The following CARS2 variants were observed in gnomAD, a reference collection of about 807,000 sequenced individuals.
The protein encoded by CARS2 is cysteinyl-tRNA synthetase 2, mitochondrial.
In CARS2, 52 loss-of-function variants were observed where a neutral mutation model predicts 68.8. The observed-to-expected ratio is 0.76, with a 90% CI of 0.61 to 0.95. CARS2 has a LOEUF of 0.95. CARS2 is among the 40% of genes least tolerant of loss of function. The pLI, the probability that CARS2 is intolerant of heterozygous loss-of-function variation, is 0.00. For synonymous variants in CARS2, 314 were observed against 303.6 expected (o/e 1.03, Z -0.36); for missense variants, 780 against 754.2 (o/e 1.03, Z -0.40).
Position 110,705,899 on chromosome 13 carries a change from T to TAGGG in CARS2, c.191_194dup (p.Ile66ProfsTer13), listed in dbSNP as rs1566366159. The TAGGG allele has an allele frequency of 6.4e-7, 1 of 1,573,636 alleles. No individual in the cohort carries two copies. The highest frequency in any genetic ancestry group is 1.4e-5 in the African/African-American group (1 of 73,812). On this transcript the variant is annotated frameshift_variant, in exon 1 of 15. Coordinates refer to ENST00000257347, the MANE Select transcript of CARS2 (RefSeq NM_024537.4). LOFTEE classifies it high-confidence loss of function. The surrounding 1 kb of genome is among the most constrained non-coding windows in gnomAD (Gnocchi z 4.0). ...AGGCGGCTTCGGCGTGCGCCACGATTAGGGGTTCCTTCCTCCCGGTGAGGC... is the reference window on the plus strand; with the variant it reads ...AGGCGGCTTCGGCGTGCGCCACGATTAGGGAGGGGTTCCTTCCTCCCGGTGAGGC...
rs115418195 is a variant in CARS2, at chr13:110,697,888, C to T, written c.393+3550G>A. On this transcript the variant is annotated intron_variant, in intron 3 of 14. Coordinates refer to ENST00000257347, the MANE Select transcript of CARS2 (RefSeq NM_024537.4). ...GGAGACTACCCAGTTATGAGAAAGA[C>T]AAATCAATAGAAAATAGGAAGACAG... 732 of 449,058 alleles carry T rather than the reference C, an allele frequency of 1.6e-3. 8 individuals carry two copies. The highest frequency in any genetic ancestry group is 0.013 in the African/African-American group (667 of 49,610). The allele number at this position is 449,058 out of a possible 1,614,324, so 27.8% of individuals were successfully genotyped here. A position where few individuals can be genotyped will look rare whatever the true frequency, so the allele number is the denominator to read the frequency against.
At chr13:110,702,339 T>C (rs1239476599) in intron 2 of CARS2, among the ~76,000 whole-genome samples, 1 of 152,156 alleles carries the variant, frequency 6.6e-6, no homozygotes, top group East Asian at 1.9e-4. Flanking sequence ...GACAAAACTA[T>C]CTCCAAAACT....
chr13:110,704,996 A>G (rs1221287953), intron 2 of CARS2, among the ~76,000 whole-genome samples: 1 of 152,192 alleles, frequency 6.6e-6, no homozygotes, highest in Non-Finnish European at 1.5e-5. Flanking sequence ...TCAATGTGTC[A>G]TCTTAGGAAA....
intron 3 of CARS2, 57 bp from the exon 4 acceptor site, chr13:110,688,075 C>T (rs947762411): frequency 4.0e-6 from 5 of 1,240,820 alleles, no homozygotes; most frequent in East Asian, 4.9e-5. Context: ...AACAGAACCA[C>T]CCAGCCACAA....
At position 110,668,235 on chromosome 13, in the gene CARS2, T is replaced by G. The variant is rs1015167788; in HGVS notation, c.786-762A>C. ...GGCATCACAGAAACACACGCTGTAG[T>G]GTGACGTTCTAAGACTTTTACATCT... is the stretch of plus-strand genomic sequence containing the variant. On this transcript the variant is annotated intron_variant, in intron 7 of 14. Coordinates refer to ENST00000257347, the MANE Select transcript of CARS2 (RefSeq NM_024537.4). The surrounding 1 kb of genome is among the most constrained non-coding windows in gnomAD (Gnocchi z 4.1). Among the ~76,000 whole-genome samples, 17 of 152,178 alleles carry G rather than the reference T, an allele frequency of 1.1e-4. No homozygotes were observed. The highest frequency in any genetic ancestry group is 5.9e-5 in the Non-Finnish European group (4 of 68,024).
At chr13:110,680,963 G>A (rs2063141751) in intron 6 of CARS2, among the ~76,000 whole-genome samples, 1 of 152,256 alleles carries the variant, frequency 6.6e-6, no homozygotes, top group African/African-American at 2.4e-5. Context: ...CAGGGCGTGG[G>A]ACCCGGAGGA....
intron 3 of CARS2, among the ~76,000 whole-genome samples, chr13:110,700,628 TAAAA>T (rs539294048): frequency 1.3e-5 from 2 of 152,224 alleles, no homozygotes; most frequent in African/African-American, 4.8e-5. Context: ...TAAAATGTGT[TAAAA>T]AAAGCACAAT....
chr13:110,679,597 A>AAGAAAGAAAGAAAGAGAGAG (rs1312030282), intron 6 of CARS2, among the ~76,000 whole-genome samples: 3 of 43,618 alleles, frequency 6.9e-5, no homozygotes, highest in Non-Finnish European at 1.9e-4. Context: ...GAAAGAAAGA[A>AAGAAAGAAAGAAAGAGAGAG]AGAGAGAGAG....
chr13:110,712,538 G>GGT (rs1339940668), intron 1 of CARS2: 1 of 313,434 alleles, frequency 3.2e-6, no homozygotes, highest in Non-Finnish European at 6.3e-6. Context: ...GAAGGGGGGG[G>GGT]GCCGGCGCGC....
intron 13 of CARS2, 83 bp downstream of exon 13, chr13:110,644,302 C>G: frequency 2.1e-6 from 3 of 1,417,104 alleles, no homozygotes; most frequent in Admixed American, 1.7e-5. Flanking sequence ...TCATAATGCT[C>G]TATTCCAAGT....
chr13:110,663,673 G>C, intron 8 of CARS2, 155 bp from the exon 9 acceptor site: 4 of 1,405,678 alleles, frequency 2.8e-6, no homozygotes, highest in Non-Finnish European at 3.7e-6. Context: ...ATCTTCACCC[G>C]TGCTGGGCCT....
intron 9 of CARS2, among the ~76,000 whole-genome samples, chr13:110,658,001 C>T (rs396523): frequency 0.28 from 43,092 of 152,042 alleles, 6,814 homozygotes; most frequent in African/African-American, 0.39. Context: ...TCCCGTGAAA[C>T]GAACTACAGG....
At chr13:110,641,899 G>C (rs1223485886) in intron 14 of CARS2, among the ~76,000 whole-genome samples, 1 of 152,194 alleles carries the variant, frequency 6.6e-6, no homozygotes, top group South Asian at 2.1e-4. Context: ...ATGGGGGTGG[G>C]TTTCTCTACT....
chr13:110,646,164 C>A (rs1024848884), intron 11 of CARS2, 74 bp from the exon 12 acceptor site: 1 of 1,511,770 alleles, frequency 6.6e-7, no homozygotes, highest in Non-Finnish European at 8.8e-7. Flanking sequence ...ACCAGTCCTT[C>A]CCCAGGGAGA....
rs549654266 is a variant in CARS2 at position 110,670,450 on chromosome 13, G to C, written c.786-2977C>G. 2.0e-5 allele frequency among the ~76,000 whole-genome samples: 3 copies of C among 152,336 alleles called. No homozygotes were observed. In the South Asian group the frequency reaches 6.2e-4, roughly 32 times the overall value. Reference sequence around the variant, plus strand: ...GGTGATACCCAGGCAAACAGGGTCTGGAGTGGACCTCCAGCAAACTCAACA... The same window carrying C: ...GGTGATACCCAGGCAAACAGGGTCTCGAGTGGACCTCCAGCAAACTCAACA... On this transcript the variant is annotated intron_variant, in intron 7 of 14. Transcript: ENST00000257347. This position sits in a 1 kb window ranked among gnomAD's most constrained non-coding sequence, Gnocchi z 4.1.
chr13:110,698,274 C>T (rs1182906192), intron 3 of CARS2, among the ~76,000 whole-genome samples: 1 of 151,854 alleles, frequency 6.6e-6, no homozygotes, highest in East Asian at 1.9e-4. Flanking sequence ...AATCCTAGCA[C>T]TTTGGGAGGC....
rs1227383292 is a variant in CARS2 at position 110,676,125 on chromosome 13, A to G, written c.785+849T>C. Among the ~76,000 whole-genome samples the G allele has an allele frequency of 2.6e-5, 4 of 152,214 alleles. No individual in the cohort carries two copies. Among genetic ancestry groups the G allele is most frequent in the South Asian group, 4.1e-4 (2 of 4,838 alleles). On this transcript the variant is annotated intron_variant, in intron 7 of 14. Coordinates refer to ENST00000257347, the MANE Select transcript of CARS2 (RefSeq NM_024537.4). This position sits in a 1 kb window ranked among gnomAD's most constrained non-coding sequence, Gnocchi z 4.0. Reference sequence around the variant, plus strand: ...GCCGAGATCGCACCATTGCACTCCAACCTGGGCAAGAAGAGTGAACCTCCG... The same window carrying G: ...GCCGAGATCGCACCATTGCACTCCAGCCTGGGCAAGAAGAGTGAACCTCCG...
chr13:110,684,649 A>C (rs1241810734), intron 5 of CARS2, among the ~76,000 whole-genome samples: 1 of 149,108 alleles, frequency 6.7e-6, no homozygotes, highest in African/African-American at 2.5e-5. Context: ...TTCAGGGTTG[A>C]CCATTAAGCT....
chr13:110,647,109 C>T lies in CARS2; in HGVS notation c.1185G>A (p.Leu395=), dbSNP rs1351323799. The change falls in exon 11 of 15, where the codon CTG becomes CTA. Residue 395 remains leucine, a synonymous_variant. Transcript: ENST00000257347. The part of the protein sequence containing the change: ...LACGSVREAM[L]WERLSSTKRA... The stretch of plus-strand genomic sequence containing the variant: ...CTAGGCGGGCCTCTTACCTCTCCCA[C>T]AGCATCGCTTCCCTGACGGAGCCGC... The T allele has an allele frequency of 2.5e-6, 4 of 1,587,670 alleles. No homozygotes were observed. Among genetic ancestry groups the T allele is most frequent in the Non-Finnish European group, 2.6e-6 (3 of 1,167,414 alleles).
Sources: gnomAD v4.1 joint callset for allele counts (sites outside exome capture counted in the v4.1 genomes callset) on GRCh38, gnomAD v4.1.1 for gene constraint, Gnocchi (gnomAD v3.1) non-coding constraint, MANE v1.5 for transcripts, NCBI Gene and HGNC (gene_info 2026-07-23, HGNC 2026-07-21) for gene names.